The following SPMIP4 variants were observed in gnomAD, a reference collection of about 807,000 sequenced individuals.
SPMIP4 encodes the protein sperm microtubule inner protein 4, also known as sperm-associated microtubule inner protein 4.
At chr7:25,168,108 G>C in the SPMIP4 span, among the ~76,000 whole-genome samples, 4 of 152,112 alleles carry the variant, frequency 2.6e-5, no homozygotes, top group Admixed American at 2.0e-4. Flanking sequence ...ACTAAGGACA[G>C]CAAAAACCAT....
the SPMIP4 span, chr7:25,136,751 C>A: frequency 6.2e-7 from 1 of 1,614,026 alleles, no homozygotes; most frequent in Non-Finnish European, 8.5e-7. The surrounding 1 kb of genome is among the most constrained non-coding windows in gnomAD (Gnocchi z 5.7). Flanking sequence ...ATTCGTCCTT[C>A]CAACGGTCTG....
chr7:25,147,514 G>A, the SPMIP4 span, among the ~76,000 whole-genome samples: 3 of 152,098 alleles, frequency 2.0e-5, no homozygotes, highest in Non-Finnish European at 4.4e-5. Flanking sequence ...CAGCTCTGGG[G>A]TCTGGGTGGG....
chr7:25,129,290 C>G, the SPMIP4 span, among the ~76,000 whole-genome samples: 64 of 152,352 alleles, frequency 4.2e-4, no homozygotes, highest in African/African-American at 1.5e-3. Flanking sequence ...GGTAGCTGGG[C>G]CTGCTAGAAC....
the SPMIP4 span, chr7:25,158,442 A>G: frequency 2.4e-6 from 3 of 1,263,366 alleles, no homozygotes; most frequent in South Asian, 1.2e-5. Flanking sequence ...GACATAGGAA[A>G]TGTCAATTTT....
the SPMIP4 span, among the ~76,000 whole-genome samples, chr7:25,137,891 T>A: frequency 6.6e-6 from 1 of 152,188 alleles, no homozygotes; most frequent in Non-Finnish European, 1.5e-5. Context: ...CCTTACATTC[T>A]AAAAATCTTG....
At chr7:25,163,788 A>C in the SPMIP4 span, among the ~76,000 whole-genome samples, 1 of 152,220 alleles carries the variant, frequency 6.6e-6, no homozygotes, top group Non-Finnish European at 1.5e-5. This position sits in a 1 kb window ranked among gnomAD's most constrained non-coding sequence, Gnocchi z 4.4. Context: ...ACTTATCCTC[A>C]TAAGATTAGA....
At chr7:25,139,881 G>A in the SPMIP4 span, among the ~76,000 whole-genome samples, 1 of 152,052 alleles carries the variant, frequency 6.6e-6, no homozygotes, top group South Asian at 2.1e-4. Flanking sequence ...TGTTCTTTAT[G>A]GTTTAATCAG....
At chr7:25,138,601 G>A in the SPMIP4 span, among the ~76,000 whole-genome samples, 890 of 152,254 alleles carry the variant, frequency 5.8e-3, 7 homozygotes, top group Admixed American at 9.9e-3. This position sits in a 1 kb window ranked among gnomAD's most constrained non-coding sequence, Gnocchi z 6.2. Context: ...ATACTCCACA[G>A]TCACCGTATA....
the SPMIP4 span, among the ~76,000 whole-genome samples, chr7:25,177,733 T>A: frequency 6.6e-6 from 1 of 152,170 alleles, no homozygotes; most frequent in Non-Finnish European, 1.5e-5. Context: ...AATTACTACA[T>A]ACAAAGCATT....
At chr7:25,126,969 TAA>T in the SPMIP4 span, among the ~76,000 whole-genome samples, 1 of 152,226 alleles carries the variant, frequency 6.6e-6, no homozygotes, top group Admixed American at 6.5e-5. Flanking sequence ...TATTCTAGGA[TAA>T]AAGTTTTTTC....
At chr7:25,137,535 G>A in the SPMIP4 span, among the ~76,000 whole-genome samples, 1 of 152,024 alleles carries the variant, frequency 6.6e-6, no homozygotes, top group Non-Finnish European at 1.5e-5. Flanking sequence ...TGTATTGGCA[G>A]GGTTGGTTTC....
chr7:25,160,275 T>C, the SPMIP4 span, among the ~76,000 whole-genome samples: 5 of 151,450 alleles, frequency 3.3e-5, no homozygotes, highest in African/African-American at 1.2e-4. Context: ...CCATTATTAC[T>C]TCTATGCTGT....
At chr7:25,137,394 G>A in the SPMIP4 span, among the ~76,000 whole-genome samples, 1 of 150,774 alleles carries the variant, frequency 6.6e-6, no homozygotes, top group Non-Finnish European at 1.5e-5. Context: ...CAGTATTAGA[G>A]TAATGCGAAC....
the SPMIP4 span, chr7:25,179,293 C>G: frequency 1.1e-5 from 17 of 1,611,184 alleles, no homozygotes; most frequent in African/African-American, 2.3e-4. Context: ...TAGGGCCTGC[C>G]GTGAATGACT....
the SPMIP4 span, among the ~76,000 whole-genome samples, chr7:25,174,236 C>A: frequency 6.7e-6 from 1 of 148,940 alleles, no homozygotes; most frequent in Non-Finnish European, 1.5e-5. The surrounding 1 kb of genome is among the most constrained non-coding windows in gnomAD (Gnocchi z 4.5). Context: ...TTTCCTCCCC[C>A]TCTCTCTCAC....
the SPMIP4 span, among the ~76,000 whole-genome samples, chr7:25,130,558 C>T: frequency 6.6e-6 from 1 of 152,124 alleles, no homozygotes; most frequent in Non-Finnish European, 1.5e-5. Flanking sequence ...AGATGTTCCG[C>T]CCACGTCAGC....
the SPMIP4 span, chr7:25,136,810 A>G: frequency 2.5e-6 from 4 of 1,592,872 alleles, no homozygotes; most frequent in Non-Finnish European, 3.4e-6. The surrounding 1 kb of genome is among the most constrained non-coding windows in gnomAD (Gnocchi z 5.7). Context: ...TTGTGGGATA[A>G]AAAGGAGAAA....
At chr7:25,142,852 A>T in the SPMIP4 span, 15 of 1,401,814 alleles carry the variant, frequency 1.1e-5, no homozygotes, top group African/African-American at 1.5e-4. Flanking sequence ...TGTTAATGTC[A>T]TCTAGTAGAA....
the SPMIP4 span, among the ~76,000 whole-genome samples, chr7:25,177,361 T>C: frequency 6.6e-6 from 1 of 152,096 alleles, no homozygotes; most frequent in Middle Eastern, 3.4e-3. Flanking sequence ...TGTGTGCCTG[T>C]AGTCCCAGCT....
Sources: gnomAD v4.1 joint callset for allele counts (sites outside exome capture counted in the v4.1 genomes callset) on GRCh38, gnomAD v4.1.1 for gene constraint, Gnocchi (gnomAD v3.1) non-coding constraint, MANE v1.5 for transcripts, NCBI Gene and HGNC (gene_info 2026-07-23, HGNC 2026-07-21) for gene names.